Variants in TRPM7 observed in about 807,000 individuals in gnomAD.
The protein encoded by TRPM7 is LTRPC ion channel family member 7.
Under a neutral mutation model 229.7 loss-of-function variants are expected in TRPM7, and 134 were observed. The ratio of observed to expected loss-of-function variants is 0.58; its 90% CI spans 0.51 to 0.67. The LOEUF (loss-of-function observed/expected upper bound fraction) is 0.67. Ranked by LOEUF, TRPM7 falls within the 30% of genes least tolerant of loss-of-function variation. The pLI is 0.00. For synonymous variants in TRPM7, 699 were observed against 715.2 expected, an observed-to-expected ratio of 0.98 and a Z score of 0.36; for missense variants, 1,901 against 2,210.0, an observed-to-expected ratio of 0.86 and a Z score of 2.80.
chr15:50,624,649 A>G (rs1220126501), intron 11 of TRPM7, among the ~76,000 whole-genome samples: 1 of 152,232 alleles, frequency 6.6e-6, no homozygotes, highest in Non-Finnish European at 1.5e-5. Context: ...GGGAAGGATT[A>G]TTTCAATAAT....
rs763398721 is a variant in TRPM7 at position 50,637,445 on chromosome 15, A to G, written c.809T>C (p.Ile270Thr). 3.7e-6 allele frequency: 6 copies of G among 1,611,718 alleles called. No homozygotes were observed. The highest frequency in any genetic ancestry group is 2.2e-5 in the East Asian group (1 of 44,856). ...ACTAGCATGAATTCTTTGCTGATTAATAGTTTTTTCAAGTTCTCTTCTCAG... is the reference window on the plus strand; with the variant it reads ...ACTAGCATGAATTCTTTGCTGATTAGTAGTTTTTTCAAGTTCTCTTCTCAG... ...VRLRRELEKT[I>T]NQQRIHARIG... Residue 270 changes from isoleucine (I) to threonine (T), a missense_variant, in exon 7 of 39, where the codon ATT becomes ACT. Transcript: ENST00000646667.
chr15:50,569,584 A>C (rs1034199455), intron 38 of TRPM7, among the ~76,000 whole-genome samples: 1 of 152,152 alleles, frequency 6.6e-6, no homozygotes, highest in African/African-American at 2.4e-5. Flanking sequence ...AATATTCAAC[A>C]TGAGGCTAAA....
Position 50,605,082 on chromosome 15 carries a change from G to T in TRPM7, c.2772C>A (p.Phe924Leu). ...TTATGGCAATTGTATCACTGATGTT[G>T]AAGTAATCACTAAACCATACTTTAA... ...QKIKVWFSDY[F>L]NISDTIAIIS... The change falls in exon 21 of 39, where the codon TTC becomes TTA. Residue 924 changes from phenylalanine to leucine, a missense_variant. Around this residue, in one of 8 missense-constraint regions of TRPM7, gnomAD observed 207 missense variants for 241.5 expected, o/e 0.86. Transcript: ENST00000646667. 6.2e-7 allele frequency: 1 copy of T among 1,613,386 alleles called. No homozygotes were observed. The highest frequency in any genetic ancestry group is 1.3e-5 in the African/African-American group (1 of 74,998).
At chr15:50,667,827 TG>T (rs2061918281) in intron 1 of TRPM7, among the ~76,000 whole-genome samples, 1 of 152,246 alleles carries the variant, frequency 6.6e-6, no homozygotes, top group Non-Finnish European at 1.5e-5. Context: ...CAGTGAAATT[TG>T]GCTTATTGAC....
intron 29 of TRPM7, chr15:50,582,439 T>C (rs997571762): frequency 2.6e-5 from 4 of 152,200 alleles, no homozygotes; most frequent in Admixed American, 2.6e-4. Flanking sequence ...AAATACCGTT[T>C]ATGTAAGTTG....
At chr15:50,630,119 C>G (rs2060688179) in intron 10 of TRPM7, among the ~76,000 whole-genome samples, 2 of 152,078 alleles carry the variant, frequency 1.3e-5, no homozygotes. Context: ...GCCTTAGCCT[C>G]CCAAATTGCT....
Position 50,589,578 on chromosome 15 carries a change from A to G in TRPM7, c.4389+14T>C. ...TAAATAGAACTGTGGGTGTTTTAAT[A>G]AGGATTTACTTACGGATAGTATTTT... is the stretch of plus-strand genomic sequence containing the variant. On this transcript the variant is annotated intron_variant, in intron 27 of 38. Coordinates refer to ENST00000646667, the MANE Select transcript of TRPM7 (RefSeq NM_017672.6). The G allele has an allele frequency of 6.7e-7, 1 of 1,496,942 alleles. No individual in the cohort carries two copies. The highest frequency in any genetic ancestry group is 1.4e-5 in the African/African-American group (1 of 71,474). The allele number at this position is 1,496,942 out of a possible 1,614,324, so 92.7% of individuals were successfully genotyped here.
intron 1 of TRPM7, among the ~76,000 whole-genome samples, 165 bp downstream of exon 1, chr15:50,686,366 G>A (rs553229792): frequency 6.6e-6 from 1 of 152,182 alleles, no homozygotes; most frequent in Non-Finnish European, 1.5e-5. Flanking sequence ...ACCCCAGAAC[G>A]AACTGCACAC....
intron 28 of TRPM7, among the ~76,000 whole-genome samples, chr15:50,585,996 A>G (rs1185099232): frequency 6.8e-6 from 1 of 146,226 alleles, no homozygotes; most frequent in Non-Finnish European, 1.5e-5. Context: ...AGAGTGAGAG[A>G]GAAAATTTTC....
At chr15:50,664,308 C>CA (rs36108092) in intron 1 of TRPM7, among the ~76,000 whole-genome samples, 4,429 of 58,296 alleles carry the variant, frequency 0.076, 430 homozygotes, top group African/African-American at 0.22. Context: ...GACTCCGTCT[C>CA]AAAAAAAAAA....
At chr15:50,658,166 G>A (rs538321566) in intron 2 of TRPM7, among the ~76,000 whole-genome samples, 10 of 151,856 alleles carry the variant, frequency 6.6e-5, no homozygotes, top group Middle Eastern at 3.4e-3. Context: ...CACCATGCCC[G>A]GCTAATTTTT....
At chr15:50,658,429 G>T (rs1362075941) in intron 2 of TRPM7, among the ~76,000 whole-genome samples, 2 of 152,070 alleles carry the variant, frequency 1.3e-5, no homozygotes, top group African/African-American at 4.8e-5. Flanking sequence ...AATTAGCTAG[G>T]GGTAGTGGTG....
chr15:50,625,774 G>A (rs2060541199), intron 11 of TRPM7, among the ~76,000 whole-genome samples: 1 of 152,064 alleles, frequency 6.6e-6, no homozygotes, highest in Admixed American at 6.6e-5. Flanking sequence ...TATGTTTTCT[G>A]TGACATTTTT....
At chr15:50,665,393 T>TAAA (rs5812523) in intron 1 of TRPM7, among the ~76,000 whole-genome samples, 2 of 135,742 alleles carry the variant, frequency 1.5e-5, no homozygotes, top group Non-Finnish European at 1.6e-5. Context: ...AAACTCTGTC[T>TAAA]AAAAAAAAAA....
chr15:50,635,141 C>A (rs886802201), intron 7 of TRPM7, among the ~76,000 whole-genome samples: 6 of 151,226 alleles, frequency 4.0e-5, no homozygotes, highest in African/African-American at 1.5e-4. Context: ...CACAGTGAAA[C>A]CCTGTCTCTA....
At chr15:50,652,328 C>CAAAAAAAAAAAA (rs34122648) in intron 3 of TRPM7, among the ~76,000 whole-genome samples, 1 of 34,230 alleles carries the variant, frequency 2.9e-5, no homozygotes. Context: ...GACTCCATCT[C>CAAAAAAAAAAAA]AAAAAAAAAA....
At chr15:50,638,142 G>A (rs1258957300) in intron 6 of TRPM7, among the ~76,000 whole-genome samples, 4 of 151,474 alleles carry the variant, frequency 2.6e-5, no homozygotes, top group East Asian at 3.9e-4. Flanking sequence ...GGCGGATCAT[G>A]AGGTCAGGAG....
intron 23 of TRPM7, among the ~76,000 whole-genome samples, chr15:50,595,140 C>T (rs756959778): frequency 3.3e-5 from 5 of 151,902 alleles, no homozygotes; most frequent in Non-Finnish European, 7.4e-5. Context: ...ATGGAAGAGG[C>T]TACAGTGAGC....
intron 38 of TRPM7, among the ~76,000 whole-genome samples, chr15:50,566,611 G>A (rs760717746): frequency 2.3e-4 from 35 of 152,120 alleles, no homozygotes; most frequent in Non-Finnish European, 3.5e-4. Flanking sequence ...CAGGAGAATC[G>A]TTTGAACCTG....
Sources: allele counts gnomAD v4.1 joint callset (sites outside exome capture counted in the v4.1 genomes callset), GRCh38; gene constraint gnomAD v4.1.1; regional missense constraint gnomAD v4.1.1; transcripts MANE v1.5; gene names NCBI Gene and HGNC (gene_info 2026-07-23, HGNC 2026-07-21).